Variants in ADGRV1 observed in about 807,000 individuals in gnomAD.
The protein encoded by ADGRV1 is G-protein coupled receptor 98.
In ADGRV1, 359 loss-of-function variants were observed where a neutral mutation model predicts 596.2. That is an observed-to-expected ratio of 0.60 (90% CI 0.55 to 0.66). The LOEUF (loss-of-function observed/expected upper bound fraction) is 0.66. ADGRV1 is among the 30% of genes least tolerant of loss of function. The pLI is 0.00. For missense variants in ADGRV1, 7,274 were observed against 7,575.6 expected (o/e 0.96, Z 1.48); for synonymous variants, 2,681 against 2,679.2 (o/e 1.00, Z -0.02).
intron 1 of ADGRV1, among the ~76,000 whole-genome samples, chr5:90,570,813 A>G (rs952524820): frequency 3.3e-5 from 5 of 151,798 alleles, no homozygotes; most frequent in African/African-American, 1.2e-4. Context: ...TTGATGAGAA[A>G]TCATTTTTAT....
At position 90,758,726 on chromosome 5, in the gene ADGRV1, A is replaced by G. The variant is rs1310869353; in HGVS notation, c.11941-683A>G. 5.3e-5 allele frequency among the ~76,000 whole-genome samples: 8 copies of G among 152,338 alleles called. No individual in the cohort carries two copies. In the South Asian group the frequency reaches 1.7e-3, roughly 32 times the overall value. ...ATTTTCTGATAAATGTCTGTCAGAA[A>G]CATTGGAATATTTTTATGACCAATA... On this transcript the variant is annotated intron_variant, in intron 57 of 89. Transcript: ENST00000405460.
chr5:90,593,950 C>T (rs1287871977), intron 1 of ADGRV1, among the ~76,000 whole-genome samples: 11 of 152,076 alleles, frequency 7.2e-5, no homozygotes, highest in African/African-American at 2.4e-4. Flanking sequence ...ATTTGATCCA[C>T]TACCACAGAT....
chr5:91,068,812 A>C (rs895001081), intron 85 of ADGRV1, among the ~76,000 whole-genome samples: 3 of 152,140 alleles, frequency 2.0e-5, no homozygotes, highest in East Asian at 3.8e-4. Flanking sequence ...AACAAAAAAA[A>C]AAAAATAGCC....
intron 27 of ADGRV1, 95 bp from the exon 28 acceptor site, chr5:90,683,491 T>C (rs1344238367): frequency 9.9e-7 from 1 of 1,010,758 alleles, no homozygotes; most frequent in Non-Finnish European, 1.4e-6. Flanking sequence ...TTATATAAAA[T>C]AAAATTGTGC....
chr5:90,968,936 A>G lies in ADGRV1; in HGVS notation c.17973+3405A>G, dbSNP rs560783918. On this transcript the variant is annotated intron_variant, in intron 84 of 89. Coordinates refer to ENST00000405460, the MANE Select transcript of ADGRV1 (RefSeq NM_032119.4). ...TTAATTTGTAATTACTGAGTTAAGC[A>G]TGTCAGAATTGTTAACGTTTATTTT... is the stretch of plus-strand genomic sequence containing the variant. Among the ~76,000 whole-genome samples, 6 of 152,322 alleles carry G rather than the reference A, an allele frequency of 3.9e-5. No individual in the cohort carries two copies. In the South Asian group the frequency reaches 1.2e-3, roughly 32 times the overall value.
chr5:90,922,755 A>C (rs115373502), intron 83 of ADGRV1, among the ~76,000 whole-genome samples: 2,148 of 152,248 alleles, frequency 0.014, 43 homozygotes, highest in African/African-American at 0.05. Flanking sequence ...ACCCAACCTG[A>C]CCTACTGAAT....
Position 90,708,976 on chromosome 5 carries a change from A to T in ADGRV1, c.8824+67A>T, listed in dbSNP as rs562633655. ...ATGAAATGAAGAAACTTCATTTTTG[A>T]ATCAGAAGTGATCATTGTGCTGTTT... On this transcript the variant is annotated intron_variant, in intron 39 of 89. Coordinates refer to ENST00000405460, the MANE Select transcript of ADGRV1 (RefSeq NM_032119.4). The T allele has an allele frequency of 1.3e-4, 139 of 1,032,362 alleles. No individual in the cohort carries two copies. In the African/African-American group the frequency reaches 1.8e-3, roughly 14 times the overall value. 64.0% of individuals were successfully genotyped at this position (1,032,362 alleles called of 1,614,324 possible).
At chr5:90,574,133 G>C (rs1474421311) in intron 1 of ADGRV1, among the ~76,000 whole-genome samples, 1 of 151,426 alleles carries the variant, frequency 6.6e-6, no homozygotes, top group Non-Finnish European at 1.5e-5. Context: ...TTTGTCTATT[G>C]AGGCTCTTTT....
chr5:90,650,329 C>G (rs528448266), intron 17 of ADGRV1, among the ~76,000 whole-genome samples: 1 of 152,304 alleles, frequency 6.6e-6, no homozygotes, highest in South Asian at 2.1e-4. Flanking sequence ...ATTACAAATG[C>G]ATATGATAAT....
chr5:90,873,071 A>G (rs961343923), intron 83 of ADGRV1, among the ~76,000 whole-genome samples: 1 of 152,162 alleles, frequency 6.6e-6, no homozygotes, highest in African/African-American at 2.4e-5. Flanking sequence ...AGTGCCTTTT[A>G]TGTAGTTGCC....
chr5:91,037,690 T>C (rs1328930117), intron 85 of ADGRV1, among the ~76,000 whole-genome samples: 1 of 152,208 alleles, frequency 6.6e-6, no homozygotes, highest in African/African-American at 2.4e-5. Flanking sequence ...TGAAGATTTA[T>C]GAAATTATAT....
At chr5:90,735,289 G>A (rs1016821345) in intron 50 of ADGRV1, among the ~76,000 whole-genome samples, 1 of 152,168 alleles carries the variant, frequency 6.6e-6, no homozygotes, top group Non-Finnish European at 1.5e-5. Context: ...TTCATTGTGT[G>A]TTCTTGGCAC....
chr5:90,688,576 C>G (rs1292602198), intron 29 of ADGRV1, among the ~76,000 whole-genome samples: 1 of 152,058 alleles, frequency 6.6e-6, no homozygotes, highest in East Asian at 1.9e-4. Flanking sequence ...AGGATGGTCT[C>G]GATCTCTTGA....
intron 34 of ADGRV1, among the ~76,000 whole-genome samples, chr5:90,700,463 A>G (rs1305053767): frequency 6.6e-6 from 1 of 152,150 alleles, no homozygotes; most frequent in Non-Finnish European, 1.5e-5. Flanking sequence ...AGTGGTAAAT[A>G]TTACTTTCTT....
At chr5:90,793,277 T>G (rs1441368491) in intron 70 of ADGRV1, 1 of 152,234 alleles carries the variant, frequency 6.6e-6, no homozygotes, top group African/African-American at 2.4e-5. Flanking sequence ...TAGAAAAAGT[T>G]TAAAAAATAC....
intron 29 of ADGRV1, among the ~76,000 whole-genome samples, chr5:90,687,128 T>C (rs1369211587): frequency 6.6e-6 from 1 of 152,168 alleles, no homozygotes; most frequent in Non-Finnish European, 1.5e-5. Flanking sequence ...GTCAGATGAG[T>C]AGGTTGCGAA....
At position 90,583,276 on chromosome 5, in the gene ADGRV1, A is replaced by G. The variant is rs551512702; in HGVS notation, c.22+24359A>G. Among the ~76,000 whole-genome samples the G allele has an allele frequency of 3.3e-5, 5 of 152,252 alleles. No homozygotes were observed. The East Asian group carries it at 9.7e-4, about 29-fold the overall frequency. On this transcript the variant is annotated intron_variant, in intron 1 of 89. Transcript: ENST00000405460. ...TTTAGCTTCCGAGAGACTTTACTTC[A>G]TCTCATTTTTCATTTCTCAGTAATA...
chr5:90,913,719 C>G (rs1451444940), intron 83 of ADGRV1, among the ~76,000 whole-genome samples: 2 of 152,080 alleles, frequency 1.3e-5, no homozygotes, highest in African/African-American at 2.4e-5. Context: ...TAAATATAAT[C>G]ACAAAGTATG....
chr5:91,074,353 G>C (rs1386595370), intron 86 of ADGRV1, among the ~76,000 whole-genome samples: 1 of 152,068 alleles, frequency 6.6e-6, no homozygotes, highest in African/African-American at 2.4e-5. Context: ...GTAGGCCCCA[G>C]TGTCTCTTAT....
Sources: allele counts gnomAD v4.1 joint callset (sites outside exome capture counted in the v4.1 genomes callset), GRCh38; gene constraint gnomAD v4.1.1; transcripts MANE v1.5; gene names NCBI Gene and HGNC (gene_info 2026-07-23, HGNC 2026-07-21).